ERCC8: variants seen among roughly 807,000 people sequenced by gnomAD.
ERCC8 encodes the protein DNA excision repair protein ERCC-8.
ERCC8 carries 52 observed loss-of-function variants against 54.9 expected under a neutral mutation model. The observed-to-expected ratio is 0.95, with a 90% CI of 0.76 to 1.19. The LOEUF is 1.19. Among genes scored for constraint, ERCC8 ranks in the 50% most tolerant of loss-of-function variants. The pLI is 0.00. For synonymous variants in ERCC8, 146 were observed against 157.2 expected, an observed-to-expected ratio of 0.93 and a Z score of 0.53; for missense variants, 514 against 466.1, an observed-to-expected ratio of 1.10 and a Z score of -0.95.
Position 60,892,848 on chromosome 5 carries a change from T to C in ERCC8, c.844-1762A>G, listed in dbSNP as rs1748605847. ...GGCTCCCACACTGCATGCATGGCTGTGCTTCAGGCTTTTAATCAGGCTGCT... is the reference window on the plus strand; with the variant it reads ...GGCTCCCACACTGCATGCATGGCTGCGCTTCAGGCTTTTAATCAGGCTGCT... On this transcript the variant is annotated intron_variant, in intron 9 of 11. Transcript: ENST00000676185. 1.4e-5 allele frequency: 10 copies of C among 691,630 alleles called. No individual in the cohort carries two copies. The South Asian group carries it at 1.6e-4, about 11-fold the overall frequency. The allele number at this position is 691,630 out of a possible 1,614,324, so 42.8% of individuals were successfully genotyped here. A position where few individuals can be genotyped will look rare whatever the true frequency, so the allele number is the denominator to read the frequency against.
chr5:60,895,648 T>C (rs767453650), intron 9 of ERCC8, among the ~76,000 whole-genome samples: 16 of 152,180 alleles, frequency 1.1e-4, no homozygotes, highest in Non-Finnish European at 1.8e-4. Flanking sequence ...ATTCCCTCAT[T>C]TGTGTCTTCT....
At chr5:60,922,030 A>AATTTTTACATTTTAC (rs1276875178) in intron 3 of ERCC8, 24 bp downstream of exon 3, 3 of 1,524,126 alleles carry the variant, frequency 2.0e-6, no homozygotes, top group Non-Finnish European at 2.7e-6. Context: ...CAAATTCATA[A>AATTTTTACATTTTAC]ATTTTTACAT....
chr5:60,915,417 T>C (rs1749404146), intron 4 of ERCC8: 1 of 152,120 alleles, frequency 6.6e-6, no homozygotes, highest in Admixed American at 6.6e-5. Context: ...TTGTCTGCTA[T>C]TGTAGAGTTC....
intron 7 of ERCC8, 32 bp from the exon 8 acceptor site, chr5:60,899,759 G>A: frequency 6.7e-7 from 1 of 1,490,690 alleles, no homozygotes; most frequent in Non-Finnish European, 9.3e-7. Context: ...ATTGACATAT[G>A]TAGCTAGGAC....
rs542814257 is a variant in ERCC8, at chr5:60,910,040, T to G, written c.400-5167A>C. Reference sequence around the variant, plus strand: ...TACAAAGTTGTGTTAATTGACTGTTTATGTAATCCAGAAGGCTACCAATTA... The same window carrying G: ...TACAAAGTTGTGTTAATTGACTGTTGATGTAATCCAGAAGGCTACCAATTA... On this transcript the variant is annotated intron_variant, in intron 4 of 11. Transcript: ENST00000676185. The G allele has an allele frequency of 2.0e-5, 3 of 152,152 alleles. No individual in the cohort carries two copies. The South Asian group carries it at 6.2e-4, about 31-fold the overall frequency. The allele number at this position is 152,152 out of a possible 1,614,324, so 9.4% of individuals were successfully genotyped here.
intron 1 of ERCC8, among the ~76,000 whole-genome samples, chr5:60,931,409 G>A (rs1274387843): frequency 6.6e-6 from 1 of 152,006 alleles, no homozygotes; most frequent in African/African-American, 2.4e-5. Context: ...TGGGCTTAAG[G>A]GATCCTCTTG....
chr5:60,905,564 T>C (rs961325065), intron 4 of ERCC8, among the ~76,000 whole-genome samples: 6 of 152,212 alleles, frequency 3.9e-5, no homozygotes, highest in Non-Finnish European at 7.3e-5. Context: ...ACACCAGGTG[T>C]TGGCAAACTT....
intron 7 of ERCC8, among the ~76,000 whole-genome samples, chr5:60,900,365 T>C (rs997783933): frequency 1.3e-5 from 2 of 152,010 alleles, no homozygotes; most frequent in East Asian, 1.9e-4. Flanking sequence ...CTATTTCAGC[T>C]TCTAGATTAT....
intron 2 of ERCC8, among the ~76,000 whole-genome samples, chr5:60,926,641 T>C (rs771470240): frequency 1.3e-5 from 2 of 152,208 alleles, no homozygotes; most frequent in Non-Finnish European, 2.9e-5. Context: ...ATTGTGTACA[T>C]AGAGAAATAT....
At chr5:60,921,927 T>G in intron 3 of ERCC8, 127 bp downstream of exon 3, 1 of 559,400 alleles carries the variant, frequency 1.8e-6, no homozygotes. Context: ...GGAACAGCCA[T>G]GCAAATGTGT....
At position 60,887,457 on chromosome 5, in the gene ERCC8, C is replaced by G. The variant is rs543291626; in HGVS notation, c.1105G>C (p.Val369Leu). ...LAWVPSLYEP[V>L]PDDDETTTKS... ...ATATTTACCTCATCATCATCAGGAA[C>G]TGGTTCATATAAGGATGGAACCCAA... Residue 369 changes from valine (V) to leucine (L), a missense_variant, in exon 11 of 12, where the codon GTT (valine) becomes CTT (leucine). Val to Leu is a conservative substitution (Grantham distance 32). Transcript: ENST00000676185. 2.0e-4 allele frequency: 328 copies of G among 1,612,878 alleles called. 1 individual carries two copies. The South Asian group carries it at 3.4e-3, about 16-fold the overall frequency.
chr5:60,898,820 CTG>C (rs1748792499), intron 8 of ERCC8, among the ~76,000 whole-genome samples: 1 of 147,112 alleles, frequency 6.8e-6, no homozygotes, highest in Admixed American at 6.8e-5. Flanking sequence ...GAAAGGATGA[CTG>C]TTGTAGTCTC....
chr5:60,886,887 G>C (rs1435078995), intron 11 of ERCC8, among the ~76,000 whole-genome samples: 1 of 151,884 alleles, frequency 6.6e-6, no homozygotes, highest in African/African-American at 2.4e-5. Flanking sequence ...ATAATCAACA[G>C]AAATGCCTCC....
intron 10 of ERCC8, among the ~76,000 whole-genome samples, chr5:60,888,766 C>A (rs1748468209): frequency 6.6e-6 from 1 of 152,172 alleles, no homozygotes; most frequent in Non-Finnish European, 1.5e-5. Context: ...AAGTTGCCAA[C>A]ATTAGGCCTT....
Position 60,904,882 on chromosome 5 carries a change from CA to C in ERCC8, c.400-10del. On this transcript the variant is annotated splice_polypyrimidine_tract_variant and intron_variant, in intron 4 of 11. Transcript: ENST00000676185. ...TTAAATACATCTGCAGTCTGGTAATCAAAAGACATTTAAAAAGTATAAGGTT... is the reference window on the plus strand; with the variant it reads ...TTAAATACATCTGCAGTCTGGTAATCAAAGACATTTAAAAAGTATAAGGTT... 7.4e-7 allele frequency: 1 copy of C among 1,345,040 alleles called. No homozygotes were observed. The highest frequency in any genetic ancestry group is 1.1e-6 in the Non-Finnish European group (1 of 936,158). The allele number at this position is 1,345,040 out of a possible 1,614,324, so 83.3% of individuals were successfully genotyped here.
chr5:60,941,169 T>C (rs1004015698), intron 1 of ERCC8, among the ~76,000 whole-genome samples: 2 of 151,952 alleles, frequency 1.3e-5, no homozygotes, highest in East Asian at 3.9e-4. Context: ...AAAAAAAGCT[T>C]GAGTAAGCCA....
intron 1 of ERCC8, among the ~76,000 whole-genome samples, chr5:60,938,044 CATACATATAT>C (rs1370827324): frequency 5.4e-3 from 90 of 16,672 alleles, no homozygotes; most frequent in Middle Eastern, 0.025. Context: ...TACATACATA[CATACATATAT>C]ATATATATAT....
At chr5:60,898,763 T>A (rs1341946983) in intron 8 of ERCC8, among the ~76,000 whole-genome samples, 2 of 146,284 alleles carry the variant, frequency 1.4e-5, no homozygotes, top group Non-Finnish European at 3.0e-5. Flanking sequence ...TTCTATGGAC[T>A]ATTAAAATCA....
chr5:60,943,875 C>CAA (rs200096138), intron 1 of ERCC8, among the ~76,000 whole-genome samples: 11 of 151,036 alleles, frequency 7.3e-5, no homozygotes, highest in African/African-American at 2.7e-4. Context: ...GTGACACTGG[C>CAA]AAAAAAAACA....
Sources: gnomAD v4.1 joint callset for allele counts (sites outside exome capture counted in the v4.1 genomes callset) on GRCh38, gnomAD v4.1.1 for gene constraint, MANE v1.5 for transcripts, NCBI Gene and HGNC (gene_info 2026-07-23, HGNC 2026-07-21) for gene names.